Variants in GNG7 observed in about 807,000 individuals in gnomAD.
The protein encoded by GNG7 is guanine nucleotide-binding protein G(I)/G(S)/G(O) subunit gamma-7.
GNG7 carries 1 observed loss-of-function variant against 4.0 expected under a neutral mutation model. The observed-to-expected ratio is 0.25, with a 90% CI of 0.09 to 1.18. The LOEUF is 1.18. Among genes scored for constraint, GNG7 ranks in the 50% most tolerant of loss-of-function variants. GNG7 has a pLI of 0.50. For missense variants in GNG7, 86 were observed against 91.9 expected (o/e 0.94, Z 0.26); for synonymous variants, 34 against 36.9 (o/e 0.92, Z 0.29).
chr19:2,692,462 C>T (rs1913156398), intron 1 of GNG7, among the ~76,000 whole-genome samples: 1 of 151,838 alleles, frequency 6.6e-6, no homozygotes, highest in Non-Finnish European at 1.5e-5. Context: ...GGTGAAACCC[C>T]ATCTCTACTA....
At chr19:2,641,165 T>TC (rs1292344524) in intron 2 of GNG7, among the ~76,000 whole-genome samples, 1 of 152,070 alleles carries the variant, frequency 6.6e-6, no homozygotes, top group Non-Finnish European at 1.5e-5. Context: ...GCCCGGCAGA[T>TC]CCCCACGGGG....
chr19:2,589,610 C>T (rs1246538044), intron 2 of GNG7, among the ~76,000 whole-genome samples: 1 of 151,960 alleles, frequency 6.6e-6, no homozygotes, highest in Admixed American at 6.6e-5. Flanking sequence ...TGACTCTGGT[C>T]CCCTCCTCCC....
chr19:2,586,356 C>G (rs2144796545), intron 2 of GNG7, among the ~76,000 whole-genome samples: 1 of 152,358 alleles, frequency 6.6e-6, no homozygotes. Flanking sequence ...GACTTTCACA[C>G]TCCCTGATGA....
chr19:2,684,122 G>A (rs1212616395), intron 1 of GNG7, among the ~76,000 whole-genome samples: 1 of 149,606 alleles, frequency 6.7e-6, no homozygotes, highest in African/African-American at 2.5e-5. Context: ...AGGAGTTCGA[G>A]ACCAGCCTGG....
chr19:2,621,335 A>G (rs547888774), intron 2 of GNG7, among the ~76,000 whole-genome samples: 3 of 151,416 alleles, frequency 2.0e-5, no homozygotes, highest in Non-Finnish European at 4.4e-5. Context: ...GGCTGCAGTG[A>G]GCTATGATGC....
At chr19:2,630,682 G>A (rs931266379) in intron 2 of GNG7, 6 of 151,754 alleles carry the variant, frequency 4.0e-5, no homozygotes, top group East Asian at 2.0e-4. Context: ...ACAAACCTTC[G>A]GATGAGAATG....
At chr19:2,658,294 A>AG (rs1178402460) in intron 1 of GNG7, among the ~76,000 whole-genome samples, 1 of 152,156 alleles carries the variant, frequency 6.6e-6, no homozygotes, top group African/African-American at 2.4e-5. Flanking sequence ...AGGGACAAAA[A>AG]GTAAGTATTT....
intron 2 of GNG7, among the ~76,000 whole-genome samples, chr19:2,600,562 C>T (rs1043856177): frequency 1.3e-5 from 2 of 151,580 alleles, no homozygotes; most frequent in East Asian, 1.9e-4. Flanking sequence ...ACCTCCGCCT[C>T]CTGGGTTCAA....
chr19:2,524,319 G>A (rs1043263351), intron 3 of GNG7, among the ~76,000 whole-genome samples: 9 of 152,262 alleles, frequency 5.9e-5, no homozygotes, highest in Non-Finnish European at 8.8e-5. Context: ...GAAGGCCAGA[G>A]AGGACTGCGC....
intron 1 of GNG7, among the ~76,000 whole-genome samples, chr19:2,678,362 A>G (rs1469153807): frequency 6.6e-6 from 1 of 152,172 alleles, no homozygotes; most frequent in Non-Finnish European, 1.5e-5. Context: ...TTTCTGAAAT[A>G]TAGTAGGTAT....
chr19:2,601,507 A>AT (rs921838977), intron 2 of GNG7, among the ~76,000 whole-genome samples: 3 of 151,846 alleles, frequency 2.0e-5, no homozygotes, highest in Non-Finnish European at 4.4e-5. Flanking sequence ...GGACTGGGCA[A>AT]TTTTTTTTGG....
rs367693961 is a variant in GNG7, at chr19:2,609,493, G to T, written c.-78+36731C>A. On this transcript the variant is annotated intron_variant, in intron 2 of 4. Coordinates refer to ENST00000382159, the MANE Select transcript of GNG7 (RefSeq NM_052847.3). The surrounding 1 kb of genome is among the most constrained non-coding windows in gnomAD (Gnocchi z 4.4). ...ACAACTGCAGTTTAGCCGCTCACTT[G>T]CTGGAGGACCTCAGGCTCTCTTCCG... 1.3e-5 allele frequency among the ~76,000 whole-genome samples: 2 copies of T among 152,146 alleles called. No individual in the cohort carries two copies. Among genetic ancestry groups the T allele is most frequent in the South Asian group, 2.1e-4 (1 of 4,832 alleles).
intron 3 of GNG7, among the ~76,000 whole-genome samples, chr19:2,525,040 A>T (rs894923486): frequency 6.6e-6 from 1 of 152,014 alleles, no homozygotes; most frequent in African/African-American, 2.4e-5. Context: ...GCACTGACTC[A>T]GGAGCAGCCA....
At chr19:2,619,918 A>C (rs1981820393) in intron 2 of GNG7, among the ~76,000 whole-genome samples, 1 of 151,178 alleles carries the variant, frequency 6.6e-6, no homozygotes, top group Admixed American at 6.6e-5. Context: ...ACGCTGTGTC[A>C]GTTATATCTC....
intron 1 of GNG7, among the ~76,000 whole-genome samples, chr19:2,654,450 A>AC (rs1599444218): frequency 6.6e-6 from 1 of 151,452 alleles, no homozygotes. Context: ...TGCCAGGAGC[A>AC]CCCCCAGTCA....
chr19:2,606,127 C>T (rs982315696), intron 2 of GNG7, among the ~76,000 whole-genome samples: 4 of 152,168 alleles, frequency 2.6e-5, no homozygotes, highest in Non-Finnish European at 4.4e-5. Flanking sequence ...GCCCGTAATC[C>T]CAGCACTGTG....
chr19:2,540,653 C>T (rs1006961743), intron 3 of GNG7, among the ~76,000 whole-genome samples: 6 of 152,134 alleles, frequency 3.9e-5, no homozygotes, highest in African/African-American at 1.4e-4. Context: ...TGGAGCATCC[C>T]GAGAAGTCCA....
chr19:2,608,448 G>C (rs887687453), intron 2 of GNG7, among the ~76,000 whole-genome samples: 3 of 152,148 alleles, frequency 2.0e-5, no homozygotes, highest in Admixed American at 6.6e-5. Flanking sequence ...TGACGGCCTC[G>C]GTGCAGCTCC....
At chr19:2,553,915 A>G (rs1390547469) in intron 3 of GNG7, among the ~76,000 whole-genome samples, 1 of 147,674 alleles carries the variant, frequency 6.8e-6, no homozygotes, top group East Asian at 1.9e-4. Flanking sequence ...ACATGTGCAT[A>G]TTGCATGTAA....
Sources: gnomAD v4.1 joint callset for allele counts (sites outside exome capture counted in the v4.1 genomes callset) on GRCh38, gnomAD v4.1.1 for gene constraint, Gnocchi (gnomAD v3.1) non-coding constraint, MANE v1.5 for transcripts, NCBI Gene and HGNC (gene_info 2026-07-23, HGNC 2026-07-21) for gene names.